FAF1: variants seen among roughly 807,000 people sequenced by gnomAD.
FAF1 encodes the protein FAS-associated factor 1.
In FAF1, 25 loss-of-function variants were observed where a neutral mutation model predicts 92.5. That is an observed-to-expected ratio of 0.27 (90% CI 0.20 to 0.38). The LOEUF is 0.38. Ranked by LOEUF, FAF1 falls within the 10% of genes least tolerant of loss-of-function variation. The probability of loss-of-function intolerance (pLI) is 1.00; values close to 1 mark genes in which losing one functional copy is unlikely to be tolerated. For missense variants in FAF1, 636 were observed against 793.3 expected, an observed-to-expected ratio of 0.80 and a Z score of 2.38; for synonymous variants, 234 against 273.2, an observed-to-expected ratio of 0.86 and a Z score of 1.42.
chr1:50,706,033 A>T (rs1657661119), intron 6 of FAF1, 142 bp from the exon 7 acceptor site: 11 of 569,662 alleles, frequency 1.9e-5, no homozygotes, highest in Non-Finnish European at 3.5e-5. Context: ...TTCAGCTCCT[A>T]AAGGCAAGAG....
intron 18 of FAF1, chr1:50,469,319 A>G (rs187668487): frequency 6.6e-6 from 1 of 152,324 alleles, no homozygotes; most frequent in Admixed American, 6.5e-5. Context: ...CATGTTCCCC[A>G]TCTGCTGAAT....
At chr1:50,599,313 C>T (rs1191212014) in intron 8 of FAF1, among the ~76,000 whole-genome samples, 3 of 151,996 alleles carry the variant, frequency 2.0e-5, no homozygotes, top group African/African-American at 4.8e-5. Flanking sequence ...GGTTTTAACA[C>T]GTTGGCCAGG....
intron 12 of FAF1, among the ~76,000 whole-genome samples, chr1:50,568,273 G>A (rs1223920163): frequency 6.6e-6 from 1 of 152,084 alleles, no homozygotes; most frequent in African/African-American, 2.4e-5. Flanking sequence ...AAAATTTCAA[G>A]GAAGCTTAGT....
At chr1:50,595,350 GGCCACTGT>G (rs1651747550) in intron 9 of FAF1, among the ~76,000 whole-genome samples, 1 of 151,636 alleles carries the variant, frequency 6.6e-6, no homozygotes, top group Non-Finnish European at 1.5e-5. Flanking sequence ...CACTGTACCT[GGCCACTGT>G]TATTTTATCT....
intron 17 of FAF1, among the ~76,000 whole-genome samples, chr1:50,478,438 C>T (rs1327281724): frequency 6.6e-6 from 1 of 152,188 alleles, no homozygotes; most frequent in Non-Finnish European, 1.5e-5. Flanking sequence ...GCTGGGATTA[C>T]AGGTGTGAAC....
intron 13 of FAF1, among the ~76,000 whole-genome samples, chr1:50,550,194 C>CA (rs1221067068): frequency 6.6e-6 from 1 of 151,192 alleles, no homozygotes; most frequent in Non-Finnish European, 1.5e-5. Flanking sequence ...ACTAAAAATA[C>CA]AAAAAAATTA....
chr1:50,585,710 C>A (rs1434878095), intron 9 of FAF1, among the ~76,000 whole-genome samples: 2 of 151,842 alleles, frequency 1.3e-5, no homozygotes. Context: ...AAATTTCTAT[C>A]TTTTAAAATG....
chr1:50,523,352 T>A (rs936790161), intron 15 of FAF1, among the ~76,000 whole-genome samples: 8 of 152,214 alleles, frequency 5.3e-5, no homozygotes, highest in African/African-American at 9.6e-5. Context: ...CTGTTTTCCA[T>A]AGCAGCTGCC....
intron 2 of FAF1, among the ~76,000 whole-genome samples, chr1:50,837,266 T>C (rs1644215907): frequency 6.6e-6 from 1 of 152,116 alleles, no homozygotes; most frequent in African/African-American, 2.4e-5. Flanking sequence ...ATATGTTATG[T>C]TTCTTGTTCT....
chr1:50,875,269 ATT>A (rs1262655659), intron 1 of FAF1, among the ~76,000 whole-genome samples: 2 of 151,854 alleles, frequency 1.3e-5, no homozygotes, highest in East Asian at 3.9e-4. Context: ...TTATTTATAT[ATT>A]TTAATTAACA....
chr1:50,475,598 G>A lies in FAF1; in HGVS notation c.1735C>T (p.Arg579Trp). 6.2e-7 allele frequency: 1 copy of A among 1,614,058 alleles called. No individual in the cohort carries two copies. The highest frequency in any genetic ancestry group is 8.5e-7 in the Non-Finnish European group (1 of 1,179,960). Residue 579 changes from arginine (R) to tryptophan (W), a missense_variant, in exon 18 of 19, where the codon CGG (arginine) becomes TGG (tryptophan). Coordinates refer to ENST00000396153, the MANE Select transcript of FAF1 (RefSeq NM_007051.3). ...NAEPVSKLRI[R>W]TPSGEFLERR... ...TCCAAGAACTCGCCACTGGGGGTCC[G>A]GATCCGCAGTTTGCTCACAGGCTCA...
chr1:50,890,383 T>G (rs1240153844), intron 1 of FAF1, among the ~76,000 whole-genome samples: 1 of 152,230 alleles, frequency 6.6e-6, no homozygotes, highest in Non-Finnish European at 1.5e-5. Context: ...TATTGTTATG[T>G]GTGAATTTGA....
At chr1:50,958,884 T>C (rs11578799) in intron 1 of FAF1, among the ~76,000 whole-genome samples, 8,379 of 152,182 alleles carry the variant, frequency 0.055, 310 homozygotes, top group African/African-American at 0.1. Flanking sequence ...TGGCCAAAAA[T>C]ATCTCACTAA....
intron 6 of FAF1, among the ~76,000 whole-genome samples, chr1:50,707,497 G>A (rs907501025): frequency 6.6e-6 from 1 of 151,928 alleles, no homozygotes; most frequent in East Asian, 1.9e-4. Flanking sequence ...TCAGGAGTTC[G>A]AGACCACCCC....
chr1:50,870,199 A>G (rs1019448343), intron 1 of FAF1, among the ~76,000 whole-genome samples: 7 of 152,214 alleles, frequency 4.6e-5, no homozygotes, highest in African/African-American at 1.7e-4. Flanking sequence ...GCTCACGCCT[A>G]TAATCCTAGC....
At chr1:50,935,821 T>C (rs1360246221) in intron 1 of FAF1, among the ~76,000 whole-genome samples, 2 of 152,204 alleles carry the variant, frequency 1.3e-5, no homozygotes, top group Non-Finnish European at 2.9e-5. Flanking sequence ...ACGCTACTAG[T>C]GATGTGGTAT....
chr1:50,529,002 T>A (rs1245988187), intron 15 of FAF1, among the ~76,000 whole-genome samples: 1 of 152,228 alleles, frequency 6.6e-6, no homozygotes, highest in Non-Finnish European at 1.5e-5. Context: ...AAATACATGT[T>A]AATCAATTAT....
At chr1:50,744,869 T>C (rs1170179466) in intron 4 of FAF1, 94 bp from the exon 5 acceptor site, 2 of 635,234 alleles carry the variant, frequency 3.1e-6, no homozygotes, top group Non-Finnish European at 5.4e-6. Flanking sequence ...TGGCATACAG[T>C]GTACAGTCAA....
intron 1 of FAF1, among the ~76,000 whole-genome samples, chr1:50,958,037 T>G (rs768327373): frequency 6.6e-6 from 1 of 152,160 alleles, no homozygotes; most frequent in Non-Finnish European, 1.5e-5. Flanking sequence ...AGCTTACACC[T>G]GTATTCCCAA....
Sources: gnomAD v4.1 joint callset for allele counts (sites outside exome capture counted in the v4.1 genomes callset) on GRCh38, gnomAD v4.1.1 for gene constraint, MANE v1.5 for transcripts, NCBI Gene and HGNC (gene_info 2026-07-23, HGNC 2026-07-21) for gene names.